RUFY4: variants seen among roughly 807,000 people sequenced by gnomAD.
The protein encoded by RUFY4 is RUN and FYVE domain containing 4.
A neutral mutation model predicts 69.0 loss-of-function variants in RUFY4; 73 were observed. The ratio of observed to expected loss-of-function variants is 1.06; its 90% confidence interval spans 0.88 to 1.29. The LOEUF (loss-of-function observed/expected upper bound fraction) is 1.29. Among genes scored for constraint, RUFY4 ranks in the 50% most tolerant of loss-of-function variants. The pLI is 0.00. For missense variants in RUFY4, 770 were observed against 705.6 expected (o/e 1.09, Z -1.03); for synonymous variants, 287 against 271.8 (o/e 1.06, Z -0.55).
chr2:218,073,299 T>C lies in RUFY4; in HGVS notation c.443T>C (p.Leu148Pro), dbSNP rs1418507828. 2.6e-6 allele frequency: 4 copies of C among 1,559,418 alleles called. No homozygotes were observed. In the Admixed American group the frequency reaches 5.8e-5, roughly 23 times the overall value. The change falls in exon 5 of 11, where the codon CTG becomes CCG. Residue 148 changes from leucine to proline, a missense_variant. By Grantham distance (98) the Leu-to-Pro change is moderately conservative. Transcript: ENST00000344321. ...TGCCCAGAACGCCAAGAAGACATCCTGGACTCTCTCTATGCTCTCAATGGG... is the reference window on the plus strand; with the variant it reads ...TGCCCAGAACGCCAAGAAGACATCCCGGACTCTCTCTATGCTCTCAATGGG...
At chr2:218,068,270 G>A (rs569576762), upstream of RUFY4, among the ~76,000 whole-genome samples, 196 of 152,044 alleles carry the variant, frequency 1.3e-3, 1 homozygote, top group Non-Finnish European at 2.4e-3. Flanking sequence ...GCTGGAGAAG[G>A]GCAGGGTGCT....
intron 2 of RUFY4, among the ~76,000 whole-genome samples, chr2:218,046,900 T>G (rs761795317): frequency 3.3e-5 from 5 of 152,154 alleles, no homozygotes; most frequent in Non-Finnish European, 7.4e-5. Context: ...CCAAAAGACT[T>G]GATTTAGAAT....
chr2:218,068,137 G>GGAGGAGGGCAGGGGGGTA (rs1689389103), upstream of RUFY4, among the ~76,000 whole-genome samples: 1 of 133,532 alleles, frequency 7.5e-6, no homozygotes. Flanking sequence ...GCAGGGGACT[G>GGAGGAGGGCAGGGGGGTA]GAGGAGGGCA....
chr2:218,051,568 TA>T lies in RUFY4; in HGVS notation c.-1157-7007del, dbSNP rs35465389. Among the ~76,000 whole-genome samples the T allele has an allele frequency of 9.5e-3, 1,095 of 114,884 alleles. 19 individuals carry two copies. Among genetic ancestry groups the T allele is most frequent in the South Asian group, 0.06 (227 of 3,756 alleles). 75.4% of individuals were successfully genotyped at this position (114,884 alleles called of 152,430 possible). A position where few individuals can be genotyped will look rare whatever the true frequency, so the allele number is the denominator to read the frequency against. ...AAAATGACTGGCTGTTCCAATATTT[TA>T]AAAAAAAAAAAAAAAAAAACACAGA... On this transcript the variant is annotated intron_variant and NMD_transcript_variant, in intron 2 of 13. Coordinates refer to the RUFY4 transcript ENST00000457754.
In RUFY4 at chr2:218,083,690, G is replaced by A. The variant is rs368302299; in HGVS notation, c.1502+434G>A. Among the ~76,000 whole-genome samples, 13 of 151,882 alleles carry A rather than the reference G, an allele frequency of 8.6e-5. No homozygotes were observed. In the South Asian group the frequency reaches 1.5e-3, roughly 17 times the overall value. On this transcript the variant is annotated intron_variant, in intron 9 of 10. Transcript: ENST00000344321. ...TTGAACCTGGGAGGCAGAGGTTGCA[G>A]TGAGCCAAGATCACACCACTGCACT...
chr2:218,045,151 A>T (rs1369991995), intron 2 of RUFY4, among the ~76,000 whole-genome samples: 2 of 152,074 alleles, frequency 1.3e-5, no homozygotes, highest in East Asian at 3.9e-4. Flanking sequence ...ACTGGTGCCA[A>T]GTGGTATCTT....
chr2:218,060,852 G>A (rs1689168319), intron 3 of RUFY4: 1 of 1,516,226 alleles, frequency 6.6e-7, no homozygotes, highest in African/African-American at 1.4e-5. Context: ...GCTAACATTG[G>A]ATGGGTAGAA....
chr2:218,080,048 A>G (rs1010787550), intron 8 of RUFY4, among the ~76,000 whole-genome samples: 1 of 152,182 alleles, frequency 6.6e-6, no homozygotes, highest in African/African-American at 2.4e-5. Flanking sequence ...GACCATGCAA[A>G]TATCTAGTGA....
chr2:218,078,411 C>T (rs1028507061), intron 8 of RUFY4, among the ~76,000 whole-genome samples: 4 of 152,194 alleles, frequency 2.6e-5, no homozygotes, highest in South Asian at 2.1e-4. Context: ...TGATGGAGGA[C>T]GGGCAGGGCA....
chr2:218,074,630 G>T (rs958722514), intron 6 of RUFY4, among the ~76,000 whole-genome samples: 2 of 152,196 alleles, frequency 1.3e-5, no homozygotes, highest in African/African-American at 4.8e-5. Flanking sequence ...AGGAACATGG[G>T]AGCACAGAGG....
In RUFY4 at chr2:218,055,350, G is replaced by A. The variant is rs547989692; in HGVS notation, c.-1157-3245G>A. ...GTGGAGGTTGCAGTGAGCCAAGATC[G>A]TGCCACTGCACTCCAGCCTGGGCAA... is the stretch of plus-strand genomic sequence containing the variant. On this transcript the variant is annotated intron_variant and NMD_transcript_variant, in intron 2 of 13. Transcript: ENST00000457754. Among the ~76,000 whole-genome samples the A allele has an allele frequency of 3.3e-5, 5 of 151,584 alleles. No homozygotes were observed. In the South Asian group the frequency reaches 8.3e-4, roughly 25 times the overall value.
intron 2 of RUFY4, among the ~76,000 whole-genome samples, chr2:218,046,216 T>C (rs1389725412): frequency 6.6e-6 from 1 of 152,062 alleles, no homozygotes; most frequent in Non-Finnish European, 1.5e-5. Context: ...CAATATCCTC[T>C]CTTCTAGCTA....
At position 218,076,463 on chromosome 2, in the gene RUFY4, GC is replaced by G; in HGVS notation, c.1288del (p.Gln430SerfsTer7). Reference sequence around the variant, plus strand: ...TGGGCTCCGGAAGGCTGAGGAGCAGGCCCAGCGCCAGGAGCAGCTGCTGAGG... The same window carrying G: ...TGGGCTCCGGAAGGCTGAGGAGCAGGCCAGCGCCAGGAGCAGCTGCTGAGG... On this transcript the variant is annotated frameshift_variant, in exon 8 of 11. Transcript: ENST00000344321. LOFTEE classifies it high-confidence loss of function. 6.5e-7 allele frequency: 1 copy of G among 1,550,106 alleles called. No individual in the cohort carries two copies. The highest frequency in any genetic ancestry group is 8.7e-7 in the Non-Finnish European group (1 of 1,146,318).
At chr2:218,061,325 G>A in intron 3 of RUFY4, 1 of 293,514 alleles carries the variant, frequency 3.4e-6, no homozygotes, top group East Asian at 8.6e-5. Flanking sequence ...GTAGAAAAGG[G>A]GTAGGGTCAT....
At chr2:218,086,045 CT>C (rs1689886818) in intron 9 of RUFY4, among the ~76,000 whole-genome samples, 1 of 152,028 alleles carries the variant, frequency 6.6e-6, no homozygotes, top group South Asian at 2.1e-4. Context: ...TAAAAAGCAG[CT>C]GTCAAAAGAT....
At chr2:218,050,321 C>A (rs557813884) in intron 2 of RUFY4, among the ~76,000 whole-genome samples, 14 of 152,324 alleles carry the variant, frequency 9.2e-5, no homozygotes, top group Non-Finnish European at 1.8e-4. Flanking sequence ...AGGACAAGAA[C>A]CCGGAACTCA....
intron 2 of RUFY4, among the ~76,000 whole-genome samples, chr2:218,039,298 T>C (rs58842998): frequency 0.036 from 5,428 of 152,254 alleles, 296 homozygotes; most frequent in African/African-American, 0.12. Flanking sequence ...GAAGGAACAA[T>C]GGCAGGCAGA....
At chr2:218,078,344 C>G (rs562188625) in intron 8 of RUFY4, among the ~76,000 whole-genome samples, 1 of 152,292 alleles carries the variant, frequency 6.6e-6, no homozygotes, top group African/African-American at 2.4e-5. Flanking sequence ...GAAGATCAAG[C>G]CCTTTGACTA....
exon 11 of RUFY4, chr2:218,090,422 C>T (rs926825286): frequency 3.0e-5 from 7 of 234,624 alleles, no homozygotes; most frequent in Non-Finnish European, 6.1e-5. Flanking sequence ...AGCAGCGGTG[C>T]CCACCTTTCC....
Sources: gnomAD v4.1 joint callset for allele counts (sites outside exome capture counted in the v4.1 genomes callset) on GRCh38, gnomAD v4.1.1 for gene constraint, MANE v1.5 for transcripts, NCBI Gene and HGNC (gene_info 2026-07-23, HGNC 2026-07-21) for gene names.